The following ATP8A2 variants were observed in gnomAD, a reference collection of about 807,000 sequenced individuals.
The protein encoded by ATP8A2 is phospholipid-transporting ATPase IB.
A neutral mutation model predicts 165.6 loss-of-function variants in ATP8A2; 100 were observed. That is an observed-to-expected ratio of 0.60 (90% CI 0.51 to 0.71). The LOEUF (loss-of-function observed/expected upper bound fraction) is 0.71, where lower values mean the gene tolerates loss of function less well. Among genes scored for constraint, ATP8A2 ranks in the 30% least tolerant of loss-of-function variants. The probability of loss-of-function intolerance (pLI) is 0.00; values close to 1 mark genes in which losing one functional copy is unlikely to be tolerated. For synonymous variants in ATP8A2, 543 were observed against 548.8 expected (o/e 0.99, Z 0.15); for missense variants, 1,227 against 1,479.5 (o/e 0.83, Z 2.80).
chr13:25,593,739 C>T (rs935738491), intron 24 of ATP8A2, among the ~76,000 whole-genome samples: 2 of 152,156 alleles, frequency 1.3e-5, no homozygotes, highest in Non-Finnish European at 2.9e-5. Flanking sequence ...GAGACTCTCA[C>T]TCTTTGATTT....
At chr13:25,379,848 TG>T (rs1182626699) in intron 1 of ATP8A2, among the ~76,000 whole-genome samples, 1 of 152,198 alleles carries the variant, frequency 6.6e-6, no homozygotes, top group Non-Finnish European at 1.5e-5. Flanking sequence ...ACAGTCTTTC[TG>T]GGTCCACTCT....
At chr13:25,438,557 C>T (rs931032412) in intron 1 of ATP8A2, among the ~76,000 whole-genome samples, 7 of 152,040 alleles carry the variant, frequency 4.6e-5, no homozygotes, top group African/African-American at 2.4e-5. Context: ...GGGCGGTTCA[C>T]TTGAGCCCAG....
At chr13:25,693,332 A>G (rs138657939) in intron 24 of ATP8A2, among the ~76,000 whole-genome samples, 19 of 152,194 alleles carry the variant, frequency 1.2e-4, no homozygotes, top group Middle Eastern at 6.8e-3. Context: ...GTTCCACCAC[A>G]TGTGTGTGGT....
chr13:25,881,713 C>G (rs912177346), intron 33 of ATP8A2, among the ~76,000 whole-genome samples: 6 of 152,126 alleles, frequency 3.9e-5, no homozygotes, highest in African/African-American at 9.7e-5. Flanking sequence ...ACATTGCTTG[C>G]TCTATTCACT....
chr13:26,015,876 C>T (rs1380227779), intron 36 of ATP8A2, among the ~76,000 whole-genome samples: 1 of 152,202 alleles, frequency 6.6e-6, no homozygotes, highest in Non-Finnish European at 1.5e-5. Context: ...GAGCTGGAGG[C>T]TTCCTCCGAG....
At chr13:25,468,353 A>T (rs1392139904) in intron 1 of ATP8A2, among the ~76,000 whole-genome samples, 1 of 152,168 alleles carries the variant, frequency 6.6e-6, no homozygotes. Context: ...ATGTAGGGAG[A>T]AGAGCAGCGG....
intron 24 of ATP8A2, among the ~76,000 whole-genome samples, chr13:25,637,462 T>C (rs1447890436): frequency 6.6e-6 from 1 of 152,156 alleles, no homozygotes; most frequent in Admixed American, 6.5e-5. Flanking sequence ...GGAGATTATA[T>C]CCCATGCCTG....
intron 1 of ATP8A2, among the ~76,000 whole-genome samples, chr13:25,465,665 TTCTTTC>T (rs1566152907): frequency 4.4e-4 from 2 of 4,520 alleles, no homozygotes; most frequent in African/African-American, 1.2e-3. Flanking sequence ...TTGCAGAGTT[TTCTTTC>T]TTTCTTTCTT....
At chr13:25,776,892 G>C (rs186370274) in intron 27 of ATP8A2, among the ~76,000 whole-genome samples, 1 of 151,882 alleles carries the variant, frequency 6.6e-6, no homozygotes, top group African/African-American at 2.4e-5. Flanking sequence ...GACATTCTGC[G>C]TGGAGCTCCC....
chr13:25,414,595 T>C (rs892839991), intron 1 of ATP8A2, among the ~76,000 whole-genome samples: 7 of 152,230 alleles, frequency 4.6e-5, no homozygotes, highest in African/African-American at 1.7e-4. Context: ...CAGGACCTAG[T>C]CTGGAACGTC....
chr13:25,968,900 T>G (rs371966613), intron 35 of ATP8A2, among the ~76,000 whole-genome samples: 4 of 151,626 alleles, frequency 2.6e-5, no homozygotes, highest in African/African-American at 9.7e-5. Flanking sequence ...TTTATTGGGT[T>G]TAGAAGTGAG....
At chr13:25,916,807 T>A (rs190784416) in intron 33 of ATP8A2, among the ~76,000 whole-genome samples, 36 of 148,324 alleles carry the variant, frequency 2.4e-4, no homozygotes, top group Non-Finnish European at 4.1e-4. Flanking sequence ...AGTGTTACAC[T>A]GTGGTTGTAT....
chr13:25,843,972 A>G (rs894293430), intron 30 of ATP8A2, among the ~76,000 whole-genome samples: 4 of 152,146 alleles, frequency 2.6e-5, no homozygotes, highest in African/African-American at 9.7e-5. Flanking sequence ...ATTTGCCTGT[A>G]AAGAAGATTA....
chr13:25,495,140 A>G (rs1279168979), intron 2 of ATP8A2, among the ~76,000 whole-genome samples: 1 of 152,064 alleles, frequency 6.6e-6, no homozygotes, highest in Non-Finnish European at 1.5e-5. Context: ...GAAGTCGACA[A>G]CGTTCCAGTT....
At chr13:25,971,717 T>TGACA in intron 35 of ATP8A2, among the ~76,000 whole-genome samples, 1 of 152,182 alleles carries the variant, frequency 6.6e-6, no homozygotes, top group East Asian at 1.9e-4. Context: ...AGAGAGATGC[T>TGACA]GACAGTCACC....
intron 2 of ATP8A2, among the ~76,000 whole-genome samples, chr13:25,471,315 GT>G (rs544497728): frequency 9.4e-5 from 14 of 148,908 alleles, no homozygotes; most frequent in African/African-American, 3.4e-4. Flanking sequence ...AGAGGCCTTT[GT>G]TTTTGTCTAA....
rs1173614368 is a variant in ATP8A2, at chr13:25,469,227, A to G, written c.221+106A>G. Reference sequence around the variant, plus strand: ...CCGCGCACCTGGCCGGCCCCCGTCCATCTCCCCCAGAGCCTTCCCCTGCCC... The same window carrying G: ...CCGCGCACCTGGCCGGCCCCCGTCCGTCTCCCCCAGAGCCTTCCCCTGCCC... On this transcript the variant is annotated intron_variant, in intron 2 of 36. Transcript: ENST00000381655. The G allele has an allele frequency of 5.8e-6, 8 of 1,379,126 alleles. 1 individual carries two copies. In the Admixed American group the frequency reaches 1.3e-4, roughly 23 times the overall value. The allele number at this position is 1,379,126 out of a possible 1,614,324, so 85.4% of individuals were successfully genotyped here.
At chr13:25,659,160 A>C (rs967223564) in intron 24 of ATP8A2, among the ~76,000 whole-genome samples, 1 of 152,214 alleles carries the variant, frequency 6.6e-6, no homozygotes, top group African/African-American at 2.4e-5. Flanking sequence ...GAGTCACTCC[A>C]GGCAGTCTTG....
Position 25,447,616 on chromosome 13 carries a change from C to T in ATP8A2, c.77-21361C>T, listed in dbSNP as rs764393391. On this transcript the variant is annotated intron_variant, in intron 1 of 36. Transcript: ENST00000381655. ...CTGCAACCTCTGGAGCACCAGAGGG[C>T]GTGTGTTACAATCAGTGCTCTTTTA... Among the ~76,000 whole-genome samples the T allele has an allele frequency of 9.2e-5, 14 of 152,280 alleles. No homozygotes were observed. In the East Asian group the frequency reaches 9.6e-4, roughly 10 times the overall value.
Sources: allele counts gnomAD v4.1 joint callset (sites outside exome capture counted in the v4.1 genomes callset), GRCh38; gene constraint gnomAD v4.1.1; transcripts MANE v1.5; gene names NCBI Gene and HGNC (gene_info 2026-07-23, HGNC 2026-07-21).